The following PRPSAP2 variants were observed in gnomAD, a reference collection of about 807,000 sequenced individuals.
The protein encoded by PRPSAP2 is phosphoribosyl pyrophosphate synthetase associated protein 2, also known as phosphoribosyl pyrophosphate synthase-associated protein 2.
In PRPSAP2, 24 loss-of-function variants were observed where a neutral mutation model predicts 40.6. The observed-to-expected ratio is 0.59, with a 90% CI of 0.43 to 0.83. PRPSAP2 has a LOEUF of 0.83. Ranked by LOEUF, PRPSAP2 falls within the 40% of genes least tolerant of loss-of-function variation. PRPSAP2 has a pLI of 0.00. For missense variants in PRPSAP2, 292 were observed against 465.6 expected, an observed-to-expected ratio of 0.63 and a Z score of 3.43; for synonymous variants, 149 against 164.7, an observed-to-expected ratio of 0.90 and a Z score of 0.73.
upstream of PRPSAP2, chr17:18,856,427 T>C (rs1485151366): frequency 6.6e-6 from 1 of 152,164 alleles, no homozygotes; most frequent in Non-Finnish European, 1.5e-5. Flanking sequence ...GGAATCAATT[T>C]TGGTATGCAG....
At chr17:18,919,282 G>T (rs183170070) in intron 9 of PRPSAP2, among the ~76,000 whole-genome samples, 91 of 152,294 alleles carry the variant, frequency 6.0e-4, no homozygotes, top group Non-Finnish European at 1.0e-3. Flanking sequence ...GCCGAGGTGG[G>T]TGGATCATGA....
intron 1 of PRPSAP2, chr17:18,860,759 T>A (rs1214264427): frequency 6.6e-6 from 1 of 152,188 alleles, no homozygotes; most frequent in Non-Finnish European, 1.5e-5. Context: ...CCATCTGAAA[T>A]GTGGGTGAGT....
At chr17:18,885,033 C>A (rs1267839514) in intron 7 of PRPSAP2, among the ~76,000 whole-genome samples, 1 of 152,110 alleles carries the variant, frequency 6.6e-6, no homozygotes, top group Non-Finnish European at 1.5e-5. Flanking sequence ...TAGTCATTGC[C>A]TGTAGTGCAG....
chr17:18,915,206 G>A (rs2151959223), intron 9 of PRPSAP2, among the ~76,000 whole-genome samples: 1 of 151,406 alleles, frequency 6.6e-6, no homozygotes, highest in South Asian at 2.1e-4. Context: ...TGTATTTTAT[G>A]TAGAGATGGA....
At chr17:18,874,239 G>A (rs2038108922) in intron 5 of PRPSAP2, among the ~76,000 whole-genome samples, 1 of 152,108 alleles carries the variant, frequency 6.6e-6, no homozygotes, top group Non-Finnish European at 1.5e-5. Context: ...TCCATTGTGT[G>A]TTTGTCCACA....
intron 4 of PRPSAP2, among the ~76,000 whole-genome samples, chr17:18,870,646 CA>C (rs1263723686): frequency 2.0e-5 from 3 of 151,614 alleles, no homozygotes; most frequent in Admixed American, 1.3e-4. Context: ...CCATCTTTAC[CA>C]AAGATAAAGA....
intron 8 of PRPSAP2, among the ~76,000 whole-genome samples, chr17:18,893,384 C>T (rs1402176828): frequency 6.6e-6 from 1 of 151,862 alleles, no homozygotes; most frequent in African/African-American, 2.4e-5. Flanking sequence ...CTCTTGACCT[C>T]GTGATCCGCC....
chr17:18,923,256 A>ATTTTTTTTTT (rs34975526), intron 9 of PRPSAP2, among the ~76,000 whole-genome samples: 712 of 105,286 alleles, frequency 6.8e-3, no homozygotes, highest in Non-Finnish European at 8.5e-3. Flanking sequence ...CACTTGGCTA[A>ATTTTTTTTTT]TTTTTTTTTT....
At chr17:18,908,840 A>G in intron 8 of PRPSAP2, 1 of 697,722 alleles carries the variant, frequency 1.4e-6, no homozygotes, top group East Asian at 2.8e-5. Context: ...GAGGAAACCA[A>G]GGAGGATGCT....
At chr17:18,929,720 A>G (rs994825176) in intron 11 of PRPSAP2, 2 of 152,198 alleles carry the variant, frequency 1.3e-5, no homozygotes, top group Admixed American at 1.3e-4. Flanking sequence ...GCTGTGTTAC[A>G]TGGATAGTCC....
chr17:18,863,593 C>T (rs1355020484), intron 1 of PRPSAP2, among the ~76,000 whole-genome samples: 2 of 151,612 alleles, frequency 1.3e-5, no homozygotes, highest in Non-Finnish European at 2.9e-5. Context: ...AGTGCAGTGG[C>T]GCGATCTTGG....
At chr17:18,865,141 G>A (rs931461815) in intron 1 of PRPSAP2, among the ~76,000 whole-genome samples, 3 of 152,168 alleles carry the variant, frequency 2.0e-5, no homozygotes, top group East Asian at 1.9e-4. Flanking sequence ...CACCACATCT[G>A]ACCAGCACTG....
intron 9 of PRPSAP2, among the ~76,000 whole-genome samples, chr17:18,919,073 G>A (rs576228965): frequency 1.3e-5 from 2 of 152,152 alleles, no homozygotes; most frequent in Admixed American, 1.3e-4. Flanking sequence ...TTAAAAAGAC[G>A]ATGGGAGGGA....
rs34126027 is a variant in PRPSAP2 at position 18,873,191 on chromosome 17, C to CTTTTT, written c.239+557_239+561dup. Among the ~76,000 whole-genome samples the CTTTTT allele has an allele frequency of 3.7e-5, 4 of 108,168 alleles. 1 individual carries two copies. The highest frequency in any genetic ancestry group is 2.2e-4 in the Admixed American group (2 of 9,202). 71.0% of individuals were successfully genotyped at this position (108,168 alleles called of 152,430 possible). The stretch of plus-strand genomic sequence containing the variant: ...ATAACCAAGTATTGGAGTAGAGGCT[C>CTTTTT]TTTTTTTTTTTTTTTTTTTGAGACA... On this transcript the variant is annotated intron_variant, in intron 5 of 11. Coordinates refer to ENST00000268835, the MANE Select transcript of PRPSAP2 (RefSeq NM_002767.4).
At chr17:18,902,041 C>T (rs1567721413) in intron 8 of PRPSAP2, among the ~76,000 whole-genome samples, 2 of 152,104 alleles carry the variant, frequency 1.3e-5, no homozygotes, top group South Asian at 2.1e-4. Flanking sequence ...GCCTTGGCCT[C>T]CTAAAGTTCC....
chr17:18,921,174 C>T (rs1411730644), intron 9 of PRPSAP2, among the ~76,000 whole-genome samples: 1 of 152,128 alleles, frequency 6.6e-6, no homozygotes, highest in South Asian at 2.1e-4. Context: ...GACTGCCCAA[C>T]CACAGCCTAA....
At chr17:18,917,146 A>C (rs2041365239) in intron 9 of PRPSAP2, among the ~76,000 whole-genome samples, 1 of 151,964 alleles carries the variant, frequency 6.6e-6, no homozygotes, top group South Asian at 2.1e-4. Context: ...GCCACCTTCG[A>C]GTTGTTGGGG....
intron 8 of PRPSAP2, chr17:18,908,905 T>C (rs144427896): frequency 1.8e-5 from 8 of 450,498 alleles, no homozygotes; most frequent in Non-Finnish European, 3.3e-5. Context: ...TTTCCTTTCC[T>C]TTTCAAATTT....
intron 8 of PRPSAP2, among the ~76,000 whole-genome samples, chr17:18,901,965 G>A (rs1198516865): frequency 1.3e-5 from 2 of 151,878 alleles, no homozygotes; most frequent in African/African-American, 2.4e-5. Context: ...CCTTATTTTT[G>A]TAGCAACGGG....
Sources: gnomAD v4.1 joint callset for allele counts (sites outside exome capture counted in the v4.1 genomes callset) on GRCh38, gnomAD v4.1.1 for gene constraint, MANE v1.5 for transcripts, NCBI Gene and HGNC (gene_info 2026-07-23, HGNC 2026-07-21) for gene names.